The following BMPR1B variants were observed in gnomAD, a reference collection of about 807,000 sequenced individuals.
BMPR1B encodes bone morphogenetic protein receptor type-1B.
A neutral mutation model predicts 59.1 loss-of-function variants in BMPR1B; 12 were observed. The ratio of observed to expected loss-of-function variants is 0.20; its 90% CI spans 0.13 to 0.33. BMPR1B has a LOEUF of 0.33. BMPR1B is among the 10% of genes least tolerant of loss of function. The pLI is 1.00. For synonymous variants in BMPR1B, 237 were observed against 207.3 expected (o/e 1.14, Z -1.23); for missense variants, 550 against 610.9 (o/e 0.90, Z 1.05).
chr4:95,133,490 T>C (rs925041264), intron 10 of BMPR1B, among the ~76,000 whole-genome samples: 2 of 152,226 alleles, frequency 1.3e-5, no homozygotes, highest in African/African-American at 4.8e-5. Flanking sequence ...AACATGCTTT[T>C]ATCATTACCC....
chr4:94,916,055 T>C (rs922922139), intron 2 of BMPR1B, among the ~76,000 whole-genome samples: 1 of 152,186 alleles, frequency 6.6e-6, no homozygotes, highest in Non-Finnish European at 1.5e-5. Flanking sequence ...GTCAAGCAAG[T>C]GCCAGACCCA....
chr4:94,955,133 C>G (rs911243711), intron 2 of BMPR1B, among the ~76,000 whole-genome samples: 1 of 152,158 alleles, frequency 6.6e-6, no homozygotes. Context: ...GGAATGTGAT[C>G]AGTACCGTTA....
intron 2 of BMPR1B, among the ~76,000 whole-genome samples, chr4:94,977,389 C>T (rs543913962): frequency 6.6e-6 from 1 of 151,828 alleles, no homozygotes; most frequent in South Asian, 2.1e-4. Flanking sequence ...TTTATTTTTC[C>T]CTTGAAGCTC....
intron 2 of BMPR1B, among the ~76,000 whole-genome samples, chr4:94,983,002 A>G (rs549687843): frequency 1.8e-4 from 28 of 151,398 alleles, no homozygotes; most frequent in Non-Finnish European, 3.7e-4. Context: ...AAAAAAAAAA[A>G]CAAACGAAAA....
intron 2 of BMPR1B, among the ~76,000 whole-genome samples, chr4:94,986,116 A>G (rs914950707): frequency 6.6e-6 from 1 of 152,218 alleles, no homozygotes. Context: ...ATTGGTTTAT[A>G]CCAGTTACCT....
chr4:95,075,688 G>A (rs1247055327), intron 3 of BMPR1B, among the ~76,000 whole-genome samples: 1 of 151,902 alleles, frequency 6.6e-6, no homozygotes, highest in Admixed American at 6.6e-5. Flanking sequence ...ATTACCGTAA[G>A]GCTTCTGTCT....
At chr4:95,105,261 A>G (rs981522394) in intron 4 of BMPR1B, among the ~76,000 whole-genome samples, 2 of 152,094 alleles carry the variant, frequency 1.3e-5, no homozygotes, top group African/African-American at 2.4e-5. Context: ...TAGCCTAATG[A>G]GGCCAGTGTG....
chr4:94,800,430 A>G (rs921637520), intron 1 of BMPR1B, among the ~76,000 whole-genome samples: 1 of 150,260 alleles, frequency 6.7e-6, no homozygotes, highest in African/African-American at 2.5e-5. Context: ...GAAGCAAAAT[A>G]TTTTAGGGTC....
At chr4:95,097,507 C>G (rs1488669273) in intron 3 of BMPR1B, among the ~76,000 whole-genome samples, 1 of 152,050 alleles carries the variant, frequency 6.6e-6, no homozygotes, top group Non-Finnish European at 1.5e-5. Context: ...TTACAATTAA[C>G]TAGAAACTAT....
intron 2 of BMPR1B, among the ~76,000 whole-genome samples, chr4:94,986,123 A>G (rs977763009): frequency 6.6e-6 from 1 of 152,220 alleles, no homozygotes; most frequent in African/African-American, 2.4e-5. Context: ...TATACCAGTT[A>G]CCTTTAAAAC....
intron 1 of BMPR1B, among the ~76,000 whole-genome samples, chr4:94,761,905 G>A (rs542649986): frequency 1.3e-4 from 20 of 152,196 alleles, no homozygotes; most frequent in African/African-American, 4.6e-4. Context: ...GAGGGGTTGC[G>A]GCTAGAAAGG....
chr4:94,998,907 T>G (rs1481937026), intron 3 of BMPR1B, among the ~76,000 whole-genome samples: 2 of 152,230 alleles, frequency 1.3e-5, no homozygotes, highest in African/African-American at 4.8e-5. Context: ...TTCTCTCCAT[T>G]TTATTTGCTG....
chr4:94,887,775 A>G (rs1431633891), intron 2 of BMPR1B, among the ~76,000 whole-genome samples: 1 of 152,086 alleles, frequency 6.6e-6, no homozygotes, highest in Non-Finnish European at 1.5e-5. Flanking sequence ...TAAAGGAATA[A>G]TACTTGTATT....
At chr4:94,787,989 G>A (rs1006625071) in intron 1 of BMPR1B, among the ~76,000 whole-genome samples, 1 of 152,070 alleles carries the variant, frequency 6.6e-6, no homozygotes, top group African/African-American at 2.4e-5. Context: ...AACTCCGTGG[G>A]GTTCAATGTG....
rs34068392 is a variant in BMPR1B, at chr4:94,902,046, G to GGTGTGTGTGTGT, written c.-113+26176_-113+26187dup. On this transcript the variant is annotated intron_variant, in intron 2 of 12. Transcript: ENST00000515059. ...GTTAAGAGGGCTCTGCAGACTGCAT[G>GGTGTGTGTGTGT]GTGTGTGTGTGTGTGTGTGTGTGTG... 3.6e-3 allele frequency among the ~76,000 whole-genome samples: 432 copies of GGTGTGTGTGTGT among 119,224 alleles called. 6 individuals carry two copies. Among genetic ancestry groups the GGTGTGTGTGTGT allele is most frequent in the African/African-American group, 5.7e-3 (144 of 25,240 alleles). 78.2% of individuals were successfully genotyped at this position (119,224 alleles called of 152,430 possible).
At chr4:95,111,874 C>T (rs576857730) in intron 4 of BMPR1B, among the ~76,000 whole-genome samples, 1 of 151,938 alleles carries the variant, frequency 6.6e-6, no homozygotes, top group Non-Finnish European at 1.5e-5. Flanking sequence ...TTTTCATATT[C>T]TTTTTCTTCT....
At position 94,897,469 on chromosome 4, in the gene BMPR1B, G is replaced by T. The variant is rs137872755; in HGVS notation, c.-113+21569G>T. Among the ~76,000 whole-genome samples, 29 of 151,976 alleles carry T rather than the reference G, an allele frequency of 1.9e-4. No individual in the cohort carries two copies. In the South Asian group the frequency reaches 4.4e-3, roughly 23 times the overall value. The stretch of plus-strand genomic sequence containing the variant: ...ATTTGCATCTGCCAATTACCCTTTT[G>T]TAGTCCTCGCTTACCACCGAGTATC... On this transcript the variant is annotated intron_variant, in intron 2 of 12. Coordinates refer to ENST00000515059, the MANE Select transcript of BMPR1B (RefSeq NM_001203.3).
intron 1 of BMPR1B, among the ~76,000 whole-genome samples, chr4:94,761,596 G>T (rs1220197233): frequency 2.0e-5 from 3 of 151,974 alleles, no homozygotes; most frequent in African/African-American, 7.3e-5. Context: ...AGACTTCCTG[G>T]TAAGCTTTTG....
chr4:94,933,116 T>C (rs552138605), intron 2 of BMPR1B, among the ~76,000 whole-genome samples: 1 of 152,220 alleles, frequency 6.6e-6, no homozygotes, highest in East Asian at 1.9e-4. Flanking sequence ...GCTTTTTATA[T>C]AATATTCGTA....
Sources: gnomAD v4.1 joint callset for allele counts (sites outside exome capture counted in the v4.1 genomes callset) on GRCh38, gnomAD v4.1.1 for gene constraint, MANE v1.5 for transcripts, NCBI Gene and HGNC (gene_info 2026-07-23, HGNC 2026-07-21) for gene names.